The following ANKRD13C variants were observed in gnomAD, a reference collection of about 807,000 sequenced individuals.
ANKRD13C encodes ankyrin repeat domain 13C, also known as ankyrin repeat domain-containing protein 13C.
A neutral mutation model predicts 65.5 loss-of-function variants in ANKRD13C; 16 were observed. The observed-to-expected ratio is 0.24, with a 90% CI of 0.17 to 0.37. ANKRD13C has a LOEUF of 0.37. Among genes scored for constraint, ANKRD13C ranks in the 10% least tolerant of loss-of-function variants. The pLI, the probability that ANKRD13C is intolerant of heterozygous loss-of-function variation, is 1.00. For synonymous variants in ANKRD13C, 235 were observed against 238.7 expected (o/e 0.98, Z 0.14); for missense variants, 503 against 655.9 (o/e 0.77, Z 2.55).
chr1:70,298,022 G>A (rs1467993910), intron 7 of ANKRD13C, among the ~76,000 whole-genome samples: 1 of 152,068 alleles, frequency 6.6e-6, no homozygotes, highest in East Asian at 1.9e-4. Flanking sequence ...CAAAATCTTG[G>A]TGTTACTGCT....
chr1:70,300,016 G>A (rs1680277665), intron 7 of ANKRD13C, among the ~76,000 whole-genome samples: 1 of 152,162 alleles, frequency 6.6e-6, no homozygotes, highest in Non-Finnish European at 1.5e-5. Context: ...AAAGGACAGA[G>A]AAAGGAAAGG....
Position 70,300,852 on chromosome 1 carries a change from C to T in ANKRD13C, c.833G>A (p.Ser278Asn). 1 of 1,613,658 alleles carries T rather than the reference C, an allele frequency of 6.2e-7. No individual in the cohort carries two copies. The highest frequency in any genetic ancestry group is 8.5e-7 in the Non-Finnish European group (1 of 1,179,864). The change falls in exon 7 of 13, where the codon AGC becomes AAC. Residue 278 changes from serine (S) to asparagine (N), a missense_variant. By Grantham distance (46) the Ser-to-Asn change is conservative. This residue lies in a region of ANKRD13C where 300 missense variants were observed against 478.3 expected (regional missense o/e 0.63). Coordinates refer to ENST00000370944, the MANE Select transcript of ANKRD13C (RefSeq NM_030816.5). ...CGCCGCATCCCCATTGAAAATGAAG[C>T]TTAGATCCCCTCGTTGGCACTTCAT... ...TDMKCQRGDL[S>N]FIFNGDAAPS...
intron 1 of ANKRD13C, among the ~76,000 whole-genome samples, chr1:70,343,755 C>T (rs896260947): frequency 2.0e-5 from 3 of 152,152 alleles, no homozygotes; most frequent in African/African-American, 7.2e-5. Context: ...CCAGGCAGGT[C>T]TCAAATTCCT....
chr1:70,328,102 C>G (rs1358684660), intron 2 of ANKRD13C, among the ~76,000 whole-genome samples: 1 of 151,532 alleles, frequency 6.6e-6, no homozygotes, highest in Non-Finnish European at 1.5e-5. Flanking sequence ...ATATATAAAA[C>G]ATAAAAAGAT....
intron 9 of ANKRD13C, among the ~76,000 whole-genome samples, chr1:70,284,249 C>A (rs1285815063): frequency 1.3e-5 from 2 of 151,798 alleles, no homozygotes; most frequent in Non-Finnish European, 2.9e-5. Flanking sequence ...CATATAAATT[C>A]ATTCCAAAAA....
In ANKRD13C at chr1:70,262,599, C is replaced by T. The variant is rs1248003435; in HGVS notation, c.*118G>A. 35 of 1,164,344 alleles carry T rather than the reference C, an allele frequency of 3.0e-5. No individual in the cohort carries two copies. Among genetic ancestry groups the T allele is most frequent in the East Asian group, 1.0e-4 (4 of 40,094 alleles). The allele number at this position is 1,164,344 out of a possible 1,614,324, so 72.1% of individuals were successfully genotyped here. ...TCACTGTATCGTATTACTGATGTGTCGATTCAATGTGTAATTCCCTTTTCT... is the reference window on the plus strand; with the variant it reads ...TCACTGTATCGTATTACTGATGTGTTGATTCAATGTGTAATTCCCTTTTCT... On this transcript the variant is annotated 3_prime_UTR_variant, in exon 13 of 13. Coordinates refer to ENST00000370944, the MANE Select transcript of ANKRD13C (RefSeq NM_030816.5).
At chr1:70,277,283 C>T (rs1011183762) in intron 9 of ANKRD13C, among the ~76,000 whole-genome samples, 42 of 151,976 alleles carry the variant, frequency 2.8e-4, no homozygotes, top group African/African-American at 1.0e-3. Context: ...TGGTGAAACC[C>T]CGTCTTTACT....
Position 70,260,551 on chromosome 1 carries a change from T to C in ANKRD13C, c.*2166A>G, listed in dbSNP as rs1456244699. The C allele has an allele frequency of 6.6e-6, 1 of 152,150 alleles. No individual in the cohort carries two copies. The highest frequency in any genetic ancestry group is 1.5e-5 in the Non-Finnish European group (1 of 67,986). The allele number at this position is 152,150 out of a possible 1,614,324, so 9.4% of individuals were successfully genotyped here. A position where few individuals can be genotyped will look rare whatever the true frequency, so the allele number is the denominator to read the frequency against. The stretch of plus-strand genomic sequence containing the variant: ...ATTTGAAACACTGCATATAGCTTCA[T>C]TCATTAACTGGATTAAAAGGCACAT... On this transcript the variant is annotated 3_prime_UTR_variant, in exon 13 of 13. Transcript: ENST00000370944.
chr1:70,268,318 C>T (rs186529661), intron 12 of ANKRD13C, among the ~76,000 whole-genome samples: 255 of 152,154 alleles, frequency 1.7e-3, no homozygotes, highest in South Asian at 3.9e-3. Context: ...TACAGGTACC[C>T]GCCACCACAC....
intron 1 of ANKRD13C, among the ~76,000 whole-genome samples, chr1:70,351,389 ATTTATTTATTTTAT>A (rs1682737391): frequency 6.6e-6 from 1 of 152,078 alleles, no homozygotes; most frequent in Non-Finnish European, 1.5e-5. Context: ...TACATCATTT[ATTTATTTATTTTAT>A]TTTATTTATT....
At chr1:70,283,328 T>TA (rs1186604865) in intron 9 of ANKRD13C, among the ~76,000 whole-genome samples, 1 of 152,186 alleles carries the variant, frequency 6.6e-6, no homozygotes, top group Non-Finnish European at 1.5e-5. Flanking sequence ...ATTGGCTCTG[T>TA]AATTGAAATG....
intron 8 of ANKRD13C, 57 bp from the exon 9 acceptor site, chr1:70,292,606 G>A: frequency 2.3e-6 from 3 of 1,327,270 alleles, no homozygotes; most frequent in Non-Finnish European, 3.1e-6. Context: ...AAGTGTCAAG[G>A]TAATATATTT....
intron 1 of ANKRD13C, among the ~76,000 whole-genome samples, chr1:70,352,607 T>C (rs1255134829): frequency 6.6e-6 from 1 of 152,318 alleles, no homozygotes; most frequent in Non-Finnish European, 1.5e-5. Context: ...ATGGCTACTA[T>C]GTAAACCAAA....
intron 1 of ANKRD13C, among the ~76,000 whole-genome samples, chr1:70,340,034 G>T (rs1285634071): frequency 6.6e-6 from 1 of 151,532 alleles, no homozygotes; most frequent in Non-Finnish European, 1.5e-5. Flanking sequence ...TAAATTTTCA[G>T]TAGAGATGTC....
intron 6 of ANKRD13C, among the ~76,000 whole-genome samples, chr1:70,304,489 T>C (rs983798459): frequency 6.6e-6 from 1 of 151,976 alleles, no homozygotes; most frequent in Non-Finnish European, 1.5e-5. Context: ...CTCAACTTCC[T>C]GGGGTCAGGT....
At chr1:70,337,140 G>T (rs1682075869) in intron 1 of ANKRD13C, among the ~76,000 whole-genome samples, 1 of 131,796 alleles carries the variant, frequency 7.6e-6, no homozygotes, top group South Asian at 2.5e-4. Context: ...GATCGGCCAT[G>T]ATTCAAACAC....
At chr1:70,317,070 T>G (rs1681102600) in intron 3 of ANKRD13C, among the ~76,000 whole-genome samples, 1 of 152,166 alleles carries the variant, frequency 6.6e-6, no homozygotes, top group Non-Finnish European at 1.5e-5. Context: ...ATTTTTTTTT[T>G]TTGTCCACAT....
Position 70,307,763 on chromosome 1 carries a change from G to C in ANKRD13C, c.710-1473C>G, listed in dbSNP as rs1388488009. On this transcript the variant is annotated intron_variant, in intron 5 of 12. Coordinates refer to ENST00000370944, the MANE Select transcript of ANKRD13C (RefSeq NM_030816.5). ...GCTTGAGGCTAGCCTGAGCAACATA[G>C]CAAGACCCTGTCTCTACAAAAATAA... is the stretch of plus-strand genomic sequence containing the variant. Among the ~76,000 whole-genome samples the C allele has an allele frequency of 4.8e-4, 73 of 152,038 alleles. 2 individuals are homozygous for C. The highest frequency in any genetic ancestry group is 4.8e-3 in the Admixed American group (73 of 15,246).
chr1:70,272,090 T>G (rs1473190339), intron 11 of ANKRD13C, among the ~76,000 whole-genome samples: 1 of 152,168 alleles, frequency 6.6e-6, no homozygotes, highest in Non-Finnish European at 1.5e-5. Flanking sequence ...TGTCTTATAT[T>G]CTCATCTCAG....
Sources: gnomAD v4.1 joint callset for allele counts (sites outside exome capture counted in the v4.1 genomes callset) on GRCh38, gnomAD v4.1.1 for gene constraint, gnomAD v4.1.1 regional missense constraint, MANE v1.5 for transcripts, NCBI Gene and HGNC (gene_info 2026-07-23, HGNC 2026-07-21) for gene names.